Variants in TMEM178B observed in about 807,000 individuals in gnomAD.
TMEM178B encodes transmembrane protein 178B.
In TMEM178B, 5 loss-of-function variants were observed where a neutral mutation model predicts 31.0. The observed-to-expected ratio is 0.16, with a 90% CI of 0.08 to 0.34. TMEM178B has a LOEUF of 0.34. TMEM178B is among the 10% of genes least tolerant of loss of function. The pLI, the probability that TMEM178B is intolerant of heterozygous loss-of-function variation, is 1.00. For synonymous variants in TMEM178B, 164 were observed against 164.0 expected (o/e 1.00, Z 0.00); for missense variants, 275 against 400.3 (o/e 0.69, Z 2.67).
intron 2 of TMEM178B, among the ~76,000 whole-genome samples, chr7:141,277,558 A>G (rs946494420): frequency 1.2e-4 from 19 of 152,212 alleles, no homozygotes; most frequent in African/African-American, 4.6e-4. Flanking sequence ...CAAAAAATAT[A>G]TATAAGTAGA....
At chr7:141,340,926 T>TATATG (rs1799506192) in intron 2 of TMEM178B, among the ~76,000 whole-genome samples, 1 of 152,178 alleles carries the variant, frequency 6.6e-6, no homozygotes, top group African/African-American at 2.4e-5. Flanking sequence ...ATCTGTTTGG[T>TATATG]TTCAGCTTTG....
intron 2 of TMEM178B, among the ~76,000 whole-genome samples, chr7:141,402,560 T>C: frequency 6.6e-6 from 1 of 152,128 alleles, no homozygotes; most frequent in South Asian, 2.1e-4. Flanking sequence ...GGCTGGTGCT[T>C]CCAGGCAAAG....
chr7:141,509,538 T>C, the TMEM178B span, among the ~76,000 whole-genome samples: 1 of 152,084 alleles, frequency 6.6e-6, no homozygotes, highest in African/African-American at 2.4e-5. Context: ...TAATCCCAGC[T>C]ACTCAGGAGG....
intron 1 of TMEM178B, among the ~76,000 whole-genome samples, chr7:141,097,855 C>T (rs1296067288): frequency 2.8e-5 from 4 of 141,260 alleles, no homozygotes; most frequent in African/African-American, 8.2e-5. Flanking sequence ...TGCAGTGGAA[C>T]GATCTCTCTC....
At chr7:141,093,152 T>C (rs1276937059) in intron 1 of TMEM178B, among the ~76,000 whole-genome samples, 1 of 152,072 alleles carries the variant, frequency 6.6e-6, no homozygotes, top group Non-Finnish European at 1.5e-5. Context: ...GAATTGGTAA[T>C]AGATTATAGA....
At chr7:141,088,719 T>C (rs1367598945) in intron 1 of TMEM178B, among the ~76,000 whole-genome samples, 7 of 152,238 alleles carry the variant, frequency 4.6e-5, no homozygotes, top group Admixed American at 4.6e-4. Flanking sequence ...CTGCCATAAA[T>C]GTGTTCTTTT....
At chr7:141,150,977 G>A (rs949464813) in intron 1 of TMEM178B, among the ~76,000 whole-genome samples, 3 of 152,138 alleles carry the variant, frequency 2.0e-5, no homozygotes, top group Middle Eastern at 3.2e-3. Flanking sequence ...AAAAGGTCAC[G>A]AAATAATACA....
intron 2 of TMEM178B, among the ~76,000 whole-genome samples, chr7:141,329,780 T>C (rs2116488388): frequency 6.6e-6 from 1 of 152,316 alleles, no homozygotes; most frequent in South Asian, 2.1e-4. Context: ...TCAAGTGACC[T>C]GCTATTATCA....
At chr7:141,440,169 C>A (rs750200845) in intron 3 of TMEM178B, among the ~76,000 whole-genome samples, 3 of 152,230 alleles carry the variant, frequency 2.0e-5, no homozygotes, top group African/African-American at 7.2e-5. Context: ...GCCCTTGGAC[C>A]GTGCTGAGGC....
chr7:141,084,869 T>C (rs1042794204), intron 1 of TMEM178B, among the ~76,000 whole-genome samples: 1 of 152,076 alleles, frequency 6.6e-6, no homozygotes, highest in Admixed American at 6.5e-5. Flanking sequence ...GAAAAAAGTG[T>C]ATTGTTTTGT....
chr7:141,243,632 T>G (rs1392279491), intron 2 of TMEM178B, among the ~76,000 whole-genome samples: 1 of 152,088 alleles, frequency 6.6e-6, no homozygotes, highest in African/African-American at 2.4e-5. Context: ...CCTTCCTCCT[T>G]CTCAAATCCA....
At chr7:141,217,869 T>C (rs1354312020) in intron 2 of TMEM178B, among the ~76,000 whole-genome samples, 1 of 152,088 alleles carries the variant, frequency 6.6e-6, no homozygotes, top group Non-Finnish European at 1.5e-5. Flanking sequence ...ATCAGGGAGC[T>C]GGAGCTCTAC....
At chr7:141,338,211 G>A (rs1000811908) in intron 2 of TMEM178B, among the ~76,000 whole-genome samples, 3 of 152,168 alleles carry the variant, frequency 2.0e-5, no homozygotes, top group Non-Finnish European at 2.9e-5. Flanking sequence ...GTATAACAAA[G>A]GGAAGGAAAG....
At chr7:141,505,726 G>T in the TMEM178B span, among the ~76,000 whole-genome samples, 1 of 152,152 alleles carries the variant, frequency 6.6e-6, no homozygotes, top group Non-Finnish European at 1.5e-5. Context: ...GCTATTTCTG[G>T]CCCTGATGAG....
intron 1 of TMEM178B, among the ~76,000 whole-genome samples, chr7:141,124,084 A>C (rs1393134764): frequency 6.6e-6 from 1 of 151,762 alleles, no homozygotes; most frequent in East Asian, 2.0e-4. Context: ...GGTTTCAAAC[A>C]GGCTGGGTGC....
At chr7:141,391,284 G>A (rs1183949544) in intron 2 of TMEM178B, among the ~76,000 whole-genome samples, 4 of 152,068 alleles carry the variant, frequency 2.6e-5, no homozygotes, top group Non-Finnish European at 4.4e-5. Context: ...TCCTGCCTCA[G>A]CCTCCCGAGT....
intron 2 of TMEM178B, among the ~76,000 whole-genome samples, chr7:141,328,449 T>G (rs1247855945): frequency 6.6e-6 from 1 of 152,092 alleles, no homozygotes; most frequent in Non-Finnish European, 1.5e-5. Flanking sequence ...AAAAAGTCAC[T>G]TTGATGTGGT....
chr7:141,483,136 G>T (rs1802505627), downstream of TMEM178B, among the ~76,000 whole-genome samples: 1 of 152,150 alleles, frequency 6.6e-6, no homozygotes, highest in Non-Finnish European at 1.5e-5. Context: ...AATGATCTAT[G>T]GAGGTAATTT....
chr7:141,113,421 A>G (rs1563091281), intron 1 of TMEM178B, among the ~76,000 whole-genome samples: 1 of 152,180 alleles, frequency 6.6e-6, no homozygotes, highest in Non-Finnish European at 1.5e-5. Flanking sequence ...AAACCATTGG[A>G]CTAGACAGGC....
Sources: gnomAD v4.1 joint callset for allele counts (sites outside exome capture counted in the v4.1 genomes callset) on GRCh38, gnomAD v4.1.1 for gene constraint, MANE v1.5 for transcripts, NCBI Gene and HGNC (gene_info 2026-07-23, HGNC 2026-07-21) for gene names.